KIFBP: variants seen among roughly 807,000 people sequenced by gnomAD.
KIFBP encodes the protein KIF-binding protein.
A neutral mutation model predicts 58.9 loss-of-function variants in KIFBP; 46 were observed. That is an observed-to-expected ratio of 0.78 (90% CI 0.62 to 1.00). The LOEUF is 1.00. Ranked by LOEUF, KIFBP falls within the 50% of genes least tolerant of loss-of-function variation. The probability of loss-of-function intolerance (pLI) is 0.00; values close to 1 mark genes in which losing one functional copy is unlikely to be tolerated. For synonymous variants in KIFBP, 241 were observed against 283.4 expected (o/e 0.85, Z 1.50); for missense variants, 651 against 752.9 (o/e 0.86, Z 1.58).
chr10:69,006,800 G>C (rs996901177), intron 4 of KIFBP: 1 of 152,102 alleles, frequency 6.6e-6, no homozygotes, highest in African/African-American at 2.4e-5. Flanking sequence ...CGTTAGCGTT[G>C]GTTCTGTAAA....
rs747274073 is a variant in KIFBP at position 69,008,942 on chromosome 10, A to C, written c.874+17A>C. 6.3e-7 allele frequency: 1 copy of C among 1,579,544 alleles called. No individual in the cohort carries two copies. Among genetic ancestry groups the C allele is most frequent in the East Asian group, 2.2e-5 (1 of 44,628 alleles). ...CAGAAGACAGTAAGTTTACCTTTGC[A>C]TGTTTTACATAGCTTTTAAAAAAAG... On this transcript the variant is annotated intron_variant, in intron 5 of 6. Coordinates refer to ENST00000361983, the MANE Select transcript of KIFBP (RefSeq NM_015634.4).
chr10:69,004,993 C>T lies in KIFBP; in HGVS notation c.526-53C>T, dbSNP rs370305857. The T allele has an allele frequency of 5.4e-6, 7 of 1,288,130 alleles. 1 individual carries two copies. In the Admixed American group the frequency reaches 6.8e-5, roughly 12 times the overall value. The allele number at this position is 1,288,130 out of a possible 1,614,324, so 79.8% of individuals were successfully genotyped here. On this transcript the variant is annotated intron_variant, in intron 2 of 6. Coordinates refer to ENST00000361983, the MANE Select transcript of KIFBP (RefSeq NM_015634.4). ...TCTCCAGGTCCTCCAGAAGAGGGCA[C>T]TTGGTGTTTACAGTTTAAAACTTTA...
chr10:69,006,201 G>A (rs1295598731), intron 4 of KIFBP, among the ~76,000 whole-genome samples: 1 of 152,026 alleles, frequency 6.6e-6, no homozygotes, highest in Non-Finnish European at 1.5e-5. Context: ...TCATTTTAGT[G>A]AGATATTACC....
intron 2 of KIFBP, 38 bp from the exon 3 acceptor site, chr10:69,005,008 T>C: frequency 6.6e-7 from 1 of 1,508,920 alleles, no homozygotes; most frequent in African/African-American, 1.4e-5. Flanking sequence ...TGTTTACAGT[T>C]TAAAACTTTA....
intron 2 of KIFBP, among the ~76,000 whole-genome samples, chr10:69,002,348 C>T (rs534246504): frequency 3.6e-4 from 54 of 151,634 alleles, no homozygotes; most frequent in South Asian, 1.7e-3. Context: ...TTATAGAGAC[C>T]GGGTTTCACC....
At chr10:69,004,584 C>T (rs1843511105) in intron 2 of KIFBP, among the ~76,000 whole-genome samples, 1 of 151,974 alleles carries the variant, frequency 6.6e-6, no homozygotes, top group Admixed American at 6.5e-5. Flanking sequence ...CTTGTTGAGG[C>T]GGGTGCAGTG....
chr10:69,008,376 G>GT (rs1843555559), intron 4 of KIFBP, among the ~76,000 whole-genome samples: 2 of 23,582 alleles, frequency 8.5e-5, no homozygotes, highest in Non-Finnish European at 1.2e-4. Context: ...CCCCTGTCTC[G>GT]TAAAAAAAAA....
intron 6 of KIFBP, among the ~76,000 whole-genome samples, chr10:69,013,245 C>T (rs142454914): frequency 3.6e-4 from 55 of 152,232 alleles, no homozygotes; most frequent in African/African-American, 1.3e-3. Context: ...TAATATAGAA[C>T]CTTGTGAAAC....
intron 2 of KIFBP, among the ~76,000 whole-genome samples, 160 bp from the exon 3 acceptor site, chr10:69,004,886 T>G (rs766055794): frequency 1.7e-4 from 26 of 152,000 alleles, no homozygotes; most frequent in Non-Finnish European, 2.9e-4. Context: ...AATAAAAATT[T>G]AAAAAACAGA....
At chr10:69,006,089 TG>T in intron 4 of KIFBP, 174 bp downstream of exon 4, 1 of 607,324 alleles carries the variant, frequency 1.6e-6, no homozygotes, top group Non-Finnish European at 2.9e-6. Context: ...TGTAGCTTTT[TG>T]TTGTATGAAT....
In KIFBP at chr10:69,008,377, T is replaced by TAAAAAAAAAAAAAAAAA. The variant is rs1211667916; in HGVS notation, c.790-449_790-448insAAAAAAAAAAAAAAAAA. 1.1e-4 allele frequency among the ~76,000 whole-genome samples: 8 copies of TAAAAAAAAAAAAAAAAA among 75,416 alleles called. 2 individuals are homozygous for TAAAAAAAAAAAAAAAAA. The highest frequency in any genetic ancestry group is 6.7e-4 in the African/African-American group (8 of 12,004). The allele number at this position is 75,416 out of a possible 152,430, so 49.5% of individuals were successfully genotyped here. ...GGGCCAGAGTGAGACCCCTGTCTCG[T>TAAAAAAAAAAAAAAAAA]AAAAAAAAAAAAAAATATATATATA... On this transcript the variant is annotated intron_variant, in intron 4 of 6. Coordinates refer to ENST00000361983, the MANE Select transcript of KIFBP (RefSeq NM_015634.4).
intron 4 of KIFBP, among the ~76,000 whole-genome samples, chr10:69,007,913 G>T (rs1029720369): frequency 6.6e-6 from 1 of 152,164 alleles, no homozygotes; most frequent in Non-Finnish European, 1.5e-5. Context: ...TGAGAAGTTT[G>T]CCATGCCCGG....
At chr10:68,999,193 G>T (rs1426667964) in intron 1 of KIFBP, among the ~76,000 whole-genome samples, 1 of 151,922 alleles carries the variant, frequency 6.6e-6, no homozygotes, top group African/African-American at 2.4e-5. Context: ...TGCCTCCCAG[G>T]TTCAGGCAGT....
intron 2 of KIFBP, among the ~76,000 whole-genome samples, 198 bp from the exon 3 acceptor site, chr10:69,004,848 G>A (rs957113197): frequency 1.3e-5 from 2 of 151,904 alleles, no homozygotes; most frequent in African/African-American, 4.8e-5. Context: ...CTCCAGCCTG[G>A]GTGACAGAGA....
chr10:69,004,974 G>T (rs1378986967), intron 2 of KIFBP, 72 bp from the exon 3 acceptor site: 3 of 1,014,544 alleles, frequency 3.0e-6, no homozygotes, highest in Admixed American at 3.6e-5. Flanking sequence ...GATTTCTCCA[G>T]GTCCTCCAGA....
rs748433193 is a variant in KIFBP, at chr10:69,015,527, T to C, written c.991-14T>C. On this transcript the variant is annotated splice_polypyrimidine_tract_variant and intron_variant, in intron 6 of 6. Transcript: ENST00000361983. ...GTGTCCTACTTAACCATAATTTATTTTTTTTTCCTTCAGGACAACATAGGA... is the reference window on the plus strand; with the variant it reads ...GTGTCCTACTTAACCATAATTTATTCTTTTTTCCTTCAGGACAACATAGGA... The C allele has an allele frequency of 2.0e-5, 32 of 1,612,416 alleles. No individual in the cohort carries two copies. The East Asian group carries it at 6.7e-4, about 34-fold the overall frequency.
intron 2 of KIFBP, among the ~76,000 whole-genome samples, chr10:69,001,034 C>T (rs1843459974): frequency 6.6e-6 from 1 of 152,012 alleles, no homozygotes; most frequent in Admixed American, 6.6e-5. Flanking sequence ...TAATAAGATC[C>T]TGCCTGGGTG....
intron 1 of KIFBP, among the ~76,000 whole-genome samples, chr10:68,996,724 A>G (rs1843411070): frequency 1.3e-5 from 2 of 149,664 alleles, no homozygotes. Flanking sequence ...ATGGTGGCGC[A>G]TGTCTGTAAT....
At chr10:69,004,047 C>T (rs1160012661) in intron 2 of KIFBP, among the ~76,000 whole-genome samples, 1 of 151,796 alleles carries the variant, frequency 6.6e-6, no homozygotes, top group African/African-American at 2.4e-5. Flanking sequence ...TGGAGAAACC[C>T]CGTCTCTACT....
Sources: gnomAD v4.1 joint callset for allele counts (sites outside exome capture counted in the v4.1 genomes callset) on GRCh38, gnomAD v4.1.1 for gene constraint, MANE v1.5 for transcripts, NCBI Gene and HGNC (gene_info 2026-07-23, HGNC 2026-07-21) for gene names.